The following EPAS1 variants were observed in gnomAD, a reference collection of about 807,000 sequenced individuals.
The protein encoded by EPAS1 is endothelial PAS domain protein 1.
A neutral mutation model predicts 87.9 loss-of-function variants in EPAS1; 23 were observed. The ratio of observed to expected loss-of-function variants is 0.26; its 90% CI spans 0.19 to 0.37. The LOEUF is 0.37. Ranked by LOEUF, EPAS1 falls within the 10% of genes least tolerant of loss-of-function variation. EPAS1 has a pLI of 1.00. For synonymous variants in EPAS1, 508 were observed against 444.3 expected (o/e 1.14, Z -1.80); for missense variants, 1,138 against 1,120.7 (o/e 1.02, Z -0.22).
intron 2 of EPAS1, among the ~76,000 whole-genome samples, chr2:46,355,445 CA>C (rs1684250528): frequency 6.6e-6 from 1 of 152,198 alleles, no homozygotes. Context: ...GCTAGCTTTG[CA>C]ATCTTTATAC....
chr2:46,381,415 G>C, intron 12 of EPAS1, 181 bp from the exon 13 acceptor site: 2 of 897,380 alleles, frequency 2.2e-6, no homozygotes, highest in Non-Finnish European at 3.5e-6. Flanking sequence ...TATAGCTGAG[G>C]AAGGAGACAG....
intron 6 of EPAS1, among the ~76,000 whole-genome samples, chr2:46,365,855 G>A (rs1482269628): frequency 1.3e-5 from 2 of 152,076 alleles, no homozygotes; most frequent in Non-Finnish European, 2.9e-5. Flanking sequence ...AAATCACGGG[G>A]TGCTGAGGAG....
At chr2:46,376,171 GAA>G (rs3214773) in intron 8 of EPAS1, among the ~76,000 whole-genome samples, 9 of 150,242 alleles carry the variant, frequency 6.0e-5, no homozygotes, top group African/African-American at 2.2e-4. Context: ...ATGCTTTTGG[GAA>G]AAAAAAAAGA....
intron 1 of EPAS1, among the ~76,000 whole-genome samples, chr2:46,341,868 A>G (rs1230731583): frequency 6.6e-6 from 1 of 152,212 alleles, no homozygotes; most frequent in Admixed American, 6.5e-5. Flanking sequence ...TATTAAATGC[A>G]TCTGGCCCCA....
intron 1 of EPAS1, among the ~76,000 whole-genome samples, chr2:46,303,592 G>A (rs1683052690): frequency 6.6e-6 from 1 of 152,202 alleles, no homozygotes; most frequent in Non-Finnish European, 1.5e-5. Context: ...GGAAGGCCAA[G>A]AAGGGAGAGG....
At chr2:46,315,451 C>T (rs907560425) in intron 1 of EPAS1, among the ~76,000 whole-genome samples, 2 of 152,190 alleles carry the variant, frequency 1.3e-5, no homozygotes, top group Non-Finnish European at 2.9e-5. Context: ...ATCTGCCTCA[C>T]ATCAGGTACA....
At chr2:46,359,355 A>G (rs1299802657) in intron 4 of EPAS1, among the ~76,000 whole-genome samples, 1 of 150,642 alleles carries the variant, frequency 6.6e-6, no homozygotes, top group Non-Finnish European at 1.5e-5. Context: ...AGCAACAGCC[A>G]CAAATGAATC....
Position 46,346,798 on chromosome 2 carries a change from A to G in EPAS1, c.27-75A>G. ...TGTGGCTGCACTGGGGGTTGGGGCCATGGGGATGTCCTGGCCAGAGGTATG... is the reference window on the plus strand; with the variant it reads ...TGTGGCTGCACTGGGGGTTGGGGCCGTGGGGATGTCCTGGCCAGAGGTATG... On this transcript the variant is annotated intron_variant, in intron 1 of 15. Transcript: ENST00000263734. The surrounding 1 kb of genome is among the most constrained non-coding windows in gnomAD (Gnocchi z 4.0). 1.3e-6 allele frequency: 2 copies of G among 1,534,736 alleles called. No homozygotes were observed. Among genetic ancestry groups the G allele is most frequent in the African/African-American group, 1.4e-5 (1 of 73,446 alleles).
intron 1 of EPAS1, among the ~76,000 whole-genome samples, chr2:46,341,553 A>G (rs1342029887): frequency 6.6e-6 from 1 of 152,240 alleles, no homozygotes; most frequent in East Asian, 1.9e-4. Context: ...TAGCCATAGC[A>G]TCTGGTACAG....
intron 1 of EPAS1, among the ~76,000 whole-genome samples, chr2:46,327,796 C>T (rs1238015235): frequency 6.6e-6 from 1 of 152,166 alleles, no homozygotes. Context: ...CAGCTTTGAA[C>T]AGCTGTGGGC....
At chr2:46,381,465 G>C in intron 12 of EPAS1, 131 bp from the exon 13 acceptor site, 2 of 1,454,502 alleles carry the variant, frequency 1.4e-6, no homozygotes, top group South Asian at 1.2e-5. Flanking sequence ...CTGCCTCTGA[G>C]ACTCTGCCTT....
At chr2:46,325,545 G>A (rs775019576) in intron 1 of EPAS1, among the ~76,000 whole-genome samples, 1 of 152,140 alleles carries the variant, frequency 6.6e-6, no homozygotes, top group East Asian at 1.9e-4. Context: ...ATCCAGGCGG[G>A]ATAAGATCAG....
At position 46,375,812 on chromosome 2, in the gene EPAS1, A is replaced by G. The variant is rs749416116; in HGVS notation, c.1009A>G (p.Ile337Val). ...CCCTCGCAACCTGCAGCCCCAGTGC[A>G]TCATGTGTGTCAACTACGTCCTGAG... The part of the protein sequence containing the change: ...YNPRNLQPQC[I>V]MCVNYVLSEI... The change falls in exon 8 of 16, where the codon ATC becomes GTC. Residue 337 changes from isoleucine to valine, a missense_variant. Physicochemically the swap from Ile to Val is conservative, Grantham distance 29. Transcript: ENST00000263734. This position sits in a 1 kb window ranked among gnomAD's most constrained non-coding sequence, Gnocchi z 4.1. 19 of 1,614,114 alleles carry G rather than the reference A, an allele frequency of 1.2e-5. No homozygotes were observed. The highest frequency in any genetic ancestry group is 5.3e-5 in the African/African-American group (4 of 74,946).
At chr2:46,322,485 G>A (rs1219681055) in intron 1 of EPAS1, among the ~76,000 whole-genome samples, 2 of 152,134 alleles carry the variant, frequency 1.3e-5, no homozygotes, top group Non-Finnish European at 2.9e-5. Context: ...CAGATTACTG[G>A]ACCTCATCCC....
In EPAS1 at chr2:46,347,039, C is replaced by G; in HGVS notation, c.193C>G (p.Arg65Gly). ...CATGCGACTGGCAATCAGCTTCCTG[C>G]GAACACACAAGCTCCTCTCCTCAGG... ...SIMRLAISFL[R>G]THKLLSSVCS... Residue 65 changes from arginine to glycine, a missense_variant, in exon 2 of 16, where the codon CGA becomes GGA. Physicochemically the swap from Arg to Gly is moderately radical, Grantham distance 125 (BLOSUM62 -2). Around this residue, in one of 4 missense-constraint regions of EPAS1, gnomAD observed 351 missense variants for 417.1 expected, o/e 0.84. Coordinates refer to ENST00000263734, the MANE Select transcript of EPAS1 (RefSeq NM_001430.5). This position sits in a 1 kb window ranked among gnomAD's most constrained non-coding sequence, Gnocchi z 4.2. The G allele has an allele frequency of 6.2e-7, 1 of 1,614,196 alleles. No individual in the cohort carries two copies. Among genetic ancestry groups the G allele is most frequent in the South Asian group, 1.1e-5 (1 of 91,088 alleles).
chr2:46,356,831 C>T lies in EPAS1; in HGVS notation c.454+23C>T, dbSNP rs774555938. ...ATGGTATCCTTAATTGTGTTTACTT[C>T]CTTCTTGCCCCCACTGGGTGGGAAT... is the stretch of plus-strand genomic sequence containing the variant. On this transcript the variant is annotated intron_variant, in intron 4 of 15. Coordinates refer to ENST00000263734, the MANE Select transcript of EPAS1 (RefSeq NM_001430.5). 2.6e-6 allele frequency: 4 copies of T among 1,555,584 alleles called. No homozygotes were observed. In the Admixed American group the frequency reaches 5.0e-5, roughly 19 times the overall value.
intron 1 of EPAS1, among the ~76,000 whole-genome samples, chr2:46,340,674 G>A (rs568100830): frequency 3.3e-5 from 5 of 152,222 alleles, no homozygotes; most frequent in African/African-American, 7.2e-5. Flanking sequence ...TGTCTGATCT[G>A]GCCAGCTCCT....
chr2:46,297,887 A>G lies in EPAS1; in HGVS notation c.-25A>G. The G allele has an allele frequency of 1.9e-6, 3 of 1,609,816 alleles. No homozygotes were observed. Among genetic ancestry groups the G allele is most frequent in the Non-Finnish European group, 2.5e-6 (3 of 1,177,932 alleles). The stretch of plus-strand genomic sequence containing the variant: ...AGGGAGCCCAGGTGCTCGGCGTCTG[A>G]ACGTCTCAAAGGGCCACAGCGACAA... On this transcript the variant is annotated 5_prime_UTR_variant, in exon 1 of 16. Transcript: ENST00000263734.
intron 7 of EPAS1, among the ~76,000 whole-genome samples, chr2:46,370,937 T>A (rs1684616020): frequency 6.6e-6 from 1 of 152,156 alleles, no homozygotes; most frequent in Non-Finnish European, 1.5e-5. Context: ...TAAGTGACCT[T>A]ATTTCTGAGG....
Sources: allele counts gnomAD v4.1 joint callset (sites outside exome capture counted in the v4.1 genomes callset), GRCh38; gene constraint gnomAD v4.1.1; regional missense constraint gnomAD v4.1.1; non-coding constraint Gnocchi (gnomAD v3.1); transcripts MANE v1.5; gene names NCBI Gene and HGNC (gene_info 2026-07-23, HGNC 2026-07-21).